The following FAM135B variants were observed in gnomAD, a reference collection of about 807,000 sequenced individuals.
FAM135B encodes family with sequence similarity 135 member B, also known as protein FAM135B.
FAM135B carries 43 observed loss-of-function variants against 127.7 expected under a neutral mutation model. The observed-to-expected ratio is 0.34, with a 90% CI of 0.26 to 0.43. The LOEUF (loss-of-function observed/expected upper bound fraction) is 0.43. FAM135B is among the 20% of genes least tolerant of loss of function. The pLI, the probability that FAM135B is intolerant of heterozygous loss-of-function variation, is 1.00. For missense variants in FAM135B, 1,558 were observed against 1,725.6 expected, an observed-to-expected ratio of 0.90 and a Z score of 1.72; for synonymous variants, 670 against 665.1, an observed-to-expected ratio of 1.01 and a Z score of -0.11.
chr8:138,396,198 C>A (rs1346363953), intron 1 of FAM135B, among the ~76,000 whole-genome samples: 1 of 152,170 alleles, frequency 6.6e-6, no homozygotes, highest in East Asian at 1.9e-4. Context: ...TCTGAGGGCC[C>A]CATTTGCTGC....
At chr8:138,338,811 C>G (rs2131042422) in intron 2 of FAM135B, among the ~76,000 whole-genome samples, 1 of 152,236 alleles carries the variant, frequency 6.6e-6, no homozygotes, top group East Asian at 1.9e-4. Flanking sequence ...ACATGCACAT[C>G]TATGTTTATT....
intron 5 of FAM135B, among the ~76,000 whole-genome samples, chr8:138,255,446 C>T (rs1194132004): frequency 6.6e-6 from 1 of 152,110 alleles, no homozygotes; most frequent in Non-Finnish European, 1.5e-5. Flanking sequence ...GCCCTGTCTC[C>T]CCTAGAACAG....
chr8:138,195,802 A>T (rs1816576634), intron 8 of FAM135B, among the ~76,000 whole-genome samples: 1 of 152,218 alleles, frequency 6.6e-6, no homozygotes, highest in South Asian at 2.1e-4. Context: ...TGGCCATCTT[A>T]TCAGCAGAAA....
chr8:138,398,337 G>A lies in FAM135B; in HGVS notation c.-19-30335C>T, dbSNP rs868060162. ...TTTTCAAGGGTATAAGAGTGTACCTGTAGCCAAAAGGAAGTTGCTAAAAAT... is the reference window on the plus strand; with the variant it reads ...TTTTCAAGGGTATAAGAGTGTACCTATAGCCAAAAGGAAGTTGCTAAAAAT... On this transcript the variant is annotated intron_variant, in intron 1 of 19. Coordinates refer to ENST00000395297, the MANE Select transcript of FAM135B (RefSeq NM_015912.4). Among the ~76,000 whole-genome samples the A allele has an allele frequency of 2.0e-5, 3 of 152,208 alleles. No individual in the cohort carries two copies. In the South Asian group the frequency reaches 6.2e-4, roughly 31 times the overall value.
At chr8:138,381,813 G>A (rs75942633) in intron 1 of FAM135B, among the ~76,000 whole-genome samples, 5,739 of 152,238 alleles carry the variant, frequency 0.038, 199 homozygotes, top group East Asian at 0.16. Flanking sequence ...ACTGAGGAGA[G>A]GAGGGAGGTG....
chr8:138,207,913 T>G (rs4909402), intron 7 of FAM135B, among the ~76,000 whole-genome samples: 109,827 of 152,118 alleles, frequency 0.72, 39,882 homozygotes, highest in East Asian at 0.82. Flanking sequence ...TGGGTAAGTA[T>G]TTAAATCCAG....
At chr8:138,424,750 T>C (rs1410054152) in intron 1 of FAM135B, among the ~76,000 whole-genome samples, 1 of 152,226 alleles carries the variant, frequency 6.6e-6, no homozygotes, top group African/African-American at 2.4e-5. Context: ...CCTCTACTTA[T>C]TGGATACTTA....
At chr8:138,399,804 A>T (rs1459197194) in intron 1 of FAM135B, among the ~76,000 whole-genome samples, 4 of 152,188 alleles carry the variant, frequency 2.6e-5, no homozygotes, top group African/African-American at 7.2e-5. Context: ...GTGAAGAATC[A>T]CATTCACGTC....
At chr8:138,372,213 C>T (rs1831173952) in intron 1 of FAM135B, among the ~76,000 whole-genome samples, 1 of 152,228 alleles carries the variant, frequency 6.6e-6, no homozygotes, top group African/African-American at 2.4e-5. Context: ...GAAGTCGGCA[C>T]ACCTGCCCTT....
intron 11 of FAM135B, among the ~76,000 whole-genome samples, chr8:138,172,685 T>A (rs1293466875): frequency 6.6e-6 from 1 of 152,176 alleles, no homozygotes; most frequent in Non-Finnish European, 1.5e-5. Flanking sequence ...TTCCTGGATA[T>A]AATGGATGAC....
chr8:138,288,506 G>C (rs1249614011), intron 3 of FAM135B, among the ~76,000 whole-genome samples: 4 of 152,094 alleles, frequency 2.6e-5, no homozygotes, highest in Non-Finnish European at 5.9e-5. Flanking sequence ...GGAGACAGAG[G>C]GAAAAGCAGA....
intron 12 of FAM135B, among the ~76,000 whole-genome samples, chr8:138,164,525 C>T (rs1819720329): frequency 1.3e-5 from 2 of 152,194 alleles, no homozygotes; most frequent in South Asian, 2.1e-4. Context: ...TTAAGGCAAA[C>T]CTGCCTCCCA....
In FAM135B at chr8:138,253,687, G is replaced by T. The variant is rs576972739; in HGVS notation, c.369-2673C>A. Among the ~76,000 whole-genome samples, 134 of 152,180 alleles carry T rather than the reference G, an allele frequency of 8.8e-4. No homozygotes were observed. The Middle Eastern group carries it at 0.01, about 12-fold the overall frequency. ...CTGGGCATGGCCACATGTCTCCAGG[G>T]GTCAGAATCCTCCTGCCTGCATTGA... On this transcript the variant is annotated intron_variant, in intron 5 of 19. Transcript: ENST00000395297.
In FAM135B at chr8:138,131,268, C is replaced by T. The variant is rs1816198196; in HGVS notation, c.*1325G>A. ...CATCTCCAAAAGATTAGGCTCCTGT[C>T]TTACTTATCCCTACTGTCCAGGTTC... On this transcript the variant is annotated 3_prime_UTR_variant, in exon 20 of 20. Coordinates refer to ENST00000395297, the MANE Select transcript of FAM135B (RefSeq NM_015912.4). 6.6e-6 allele frequency: 1 copy of T among 152,186 alleles called. No individual in the cohort carries two copies. Among genetic ancestry groups the T allele is most frequent in the African/African-American group, 2.4e-5 (1 of 41,434 alleles). The allele number at this position is 152,186 out of a possible 1,614,324, so 9.4% of individuals were successfully genotyped here.
In FAM135B at chr8:138,150,645, C is replaced by T. The variant is rs576195794; in HGVS notation, c.3281+549G>A. Among the ~76,000 whole-genome samples the T allele has an allele frequency of 2.9e-3, 432 of 150,534 alleles. 1 individual carries two copies. The highest frequency in any genetic ancestry group is 1.0e-2 in the African/African-American group (408 of 40,808). The stretch of plus-strand genomic sequence containing the variant: ...ATTGCGTCACTGCACTCCAGCCTGG[C>T]GACAGAGTGAGACTCTGTCTCAATA... On this transcript the variant is annotated intron_variant, in intron 13 of 19. Transcript: ENST00000395297.
At chr8:138,402,175 G>A (rs549224080) in intron 1 of FAM135B, among the ~76,000 whole-genome samples, 345 of 150,788 alleles carry the variant, frequency 2.3e-3, no homozygotes, top group Non-Finnish European at 3.9e-3. Context: ...TTAGAAATCC[G>A]CAGACTCAGC....
At chr8:138,169,080 G>A (rs80328068) in intron 11 of FAM135B, among the ~76,000 whole-genome samples, 1,819 of 151,656 alleles carry the variant, frequency 0.012, 32 homozygotes, top group African/African-American at 0.041. Flanking sequence ...ATAAATGTAT[G>A]GAAATATATA....
intron 16 of FAM135B, 38 bp downstream of exon 16, chr8:138,142,974 T>A: frequency 9.1e-7 from 1 of 1,093,918 alleles, no homozygotes; most frequent in Middle Eastern, 2.0e-4. Flanking sequence ...ATGTCCCCCC[T>A]CTTCCCCCAG....
At chr8:138,394,640 G>A (rs1832763376) in intron 1 of FAM135B, among the ~76,000 whole-genome samples, 1 of 152,184 alleles carries the variant, frequency 6.6e-6, no homozygotes, top group South Asian at 2.1e-4. Flanking sequence ...TTCCGTGAAT[G>A]TCATATATGT....
Sources: gnomAD v4.1 joint callset for allele counts (sites outside exome capture counted in the v4.1 genomes callset) on GRCh38, gnomAD v4.1.1 for gene constraint, MANE v1.5 for transcripts, NCBI Gene and HGNC (gene_info 2026-07-23, HGNC 2026-07-21) for gene names.